The following NOP9 variants were observed in gnomAD, a reference collection of about 807,000 sequenced individuals.
The protein encoded by NOP9 is nucleolar protein 9.
A neutral mutation model predicts 63.0 loss-of-function variants in NOP9; 50 were observed. The observed-to-expected ratio is 0.79, with a 90% CI of 0.63 to 1.00. NOP9 has a LOEUF of 1.00. NOP9 is among the 50% of genes least tolerant of loss of function. NOP9 has a pLI of 0.00. For missense variants in NOP9, 758 were observed against 803.0 expected (o/e 0.94, Z 0.68); for synonymous variants, 343 against 332.8 (o/e 1.03, Z -0.33).
At chr14:24,275,580 CACAT>C in the NOP9 span, among the ~76,000 whole-genome samples, 4 of 152,320 alleles carry the variant, frequency 2.6e-5, no homozygotes, top group African/African-American at 9.6e-5. Flanking sequence ...GAAGCACACA[CACAT>C]AGTCACTTAC....
chr14:24,306,527 C>T lies in NOP9; in HGVS notation c.*1432C>T. 1.2e-6 allele frequency: 2 copies of T among 1,614,244 alleles called. No individual in the cohort carries two copies. Among genetic ancestry groups the T allele is most frequent in the Admixed American group, 3.3e-5 (2 of 60,022 alleles). On this transcript the variant is annotated 3_prime_UTR_variant, in exon 10 of 10. Coordinates refer to ENST00000267425, the MANE Select transcript of NOP9 (RefSeq NM_174913.3). ...TCAGCAGTAGGGTCTCCAATGCCTG[C>T]CCAATGGCAAGAAGCAAGAAGGGCA...
At position 24,306,194 on chromosome 14, in the gene NOP9, C is replaced by A. The variant is rs1240672974; in HGVS notation, c.*1099C>A. On this transcript the variant is annotated 3_prime_UTR_variant, in exon 10 of 10. Coordinates refer to ENST00000267425, the MANE Select transcript of NOP9 (RefSeq NM_174913.3). ...CTCATACCAGACACCCACCACTAAT[C>A]TCCATCAGCACTGGGTCAGACCCTC... 1 of 1,571,408 alleles carries A rather than the reference C, an allele frequency of 6.4e-7. No homozygotes were observed. The highest frequency in any genetic ancestry group is 1.3e-5 in the African/African-American group (1 of 74,202).
At position 24,302,942 on chromosome 14, in the gene NOP9, A is replaced by G. The variant is rs1008517164; in HGVS notation, c.1144-132A>G. ...ATCCTGGGCCTTATCTAGCCAAACA[A>G]AAGTCCTGATACTGGCAATGCTTTT... On this transcript the variant is annotated intron_variant, in intron 5 of 9. Transcript: ENST00000267425. 7 of 1,129,540 alleles carry G rather than the reference A, an allele frequency of 6.2e-6. No individual in the cohort carries two copies. In the African/African-American group the frequency reaches 6.5e-5, roughly 10 times the overall value. The allele number at this position is 1,129,540 out of a possible 1,614,324, so 70.0% of individuals were successfully genotyped here.
At chr14:24,301,874 T>C (rs4374085) in intron 3 of NOP9, 91 bp from the exon 4 acceptor site, 286,589 of 1,464,406 alleles carry the variant, frequency 0.2, 30,922 homozygotes, top group Admixed American at 0.35. Context: ...TTTGTGTCCA[T>C]AGTGCCCTGT....
rs1594618530 is a variant in NOP9 at position 24,301,526 on chromosome 14, G to A, written c.698-86G>A. On this transcript the variant is annotated intron_variant, in intron 2 of 9. Coordinates refer to ENST00000267425, the MANE Select transcript of NOP9 (RefSeq NM_174913.3). The stretch of plus-strand genomic sequence containing the variant: ...CTACATCTGTTCTGCATCTCCAAGC[G>A]GAATCCTTGTTCATCTGTGAAATTT... 1.7e-5 allele frequency: 27 copies of A among 1,558,180 alleles called. No individual in the cohort carries two copies. In the Admixed American group the frequency reaches 2.6e-4, roughly 15 times the overall value.
chr14:24,287,142 TG>T, the NOP9 span, among the ~76,000 whole-genome samples: 1 of 152,036 alleles, frequency 6.6e-6, no homozygotes, highest in Non-Finnish European at 1.5e-5. Flanking sequence ...CACCCGCCTC[TG>T]CCTCCCAAAA....
upstream of NOP9, among the ~76,000 whole-genome samples, chr14:24,298,544 G>C (rs1440933867): frequency 6.6e-6 from 1 of 152,120 alleles, no homozygotes; most frequent in Non-Finnish European, 1.5e-5. Flanking sequence ...CCCTTTAGTT[G>C]CAATTCCAAA....
In NOP9 at chr14:24,306,469, C is replaced by T. The variant is rs2139144324; in HGVS notation, c.*1374C>T. ...AAGTCCTCACTGTCCACTGCAGTTC[C>T]ATCCTCCTCTAGCACCAGGGTTAGC... On this transcript the variant is annotated 3_prime_UTR_variant, in exon 10 of 10. Transcript: ENST00000267425. The T allele has an allele frequency of 3.1e-6, 5 of 1,614,240 alleles. No homozygotes were observed. The highest frequency in any genetic ancestry group is 1.7e-4 in the Middle Eastern group (1 of 6,060).
At chr14:24,287,056 A>ATTTTTTTTTTTTTTTTT in the NOP9 span, among the ~76,000 whole-genome samples, 1 of 151,020 alleles carries the variant, frequency 6.6e-6, no homozygotes, top group African/African-American at 2.4e-5. Flanking sequence ...CACCAGGCTA[A>ATTTTTTTTTTTTTTTTT]TTTTTGTATT....
chr14:24,277,390 C>T, the NOP9 span, among the ~76,000 whole-genome samples: 2 of 151,948 alleles, frequency 1.3e-5, no homozygotes, highest in Non-Finnish European at 2.9e-5. Flanking sequence ...GTCATTACAC[C>T]CAGCAGAGAA....
At chr14:24,286,057 C>T in the NOP9 span, among the ~76,000 whole-genome samples, 6 of 152,144 alleles carry the variant, frequency 3.9e-5, no homozygotes, top group East Asian at 1.9e-4. Context: ...AGGAATTAAG[C>T]GTCTTCAGGG....
rs757417500 is a variant in NOP9, at chr14:24,303,738, C to T, written c.1291C>T (p.His431Tyr). The T allele has an allele frequency of 6.2e-7, 1 of 1,613,968 alleles. No homozygotes were observed. Among genetic ancestry groups the T allele is most frequent in the Admixed American group, 1.7e-5 (1 of 60,022 alleles). Reference sequence around the variant, plus strand: ...ATTCTGTCTTCTCCTTTAGGCATTCCACTGTGCAGAGCCCTCATCCCGGCA... The same window carrying T: ...ATTCTGTCTTCTCCTTTAGGCATTCTACTGTGCAGAGCCCTCATCCCGGCA... ...KVLQLLLEAF[H>Y]CAEPSSRQVA... The change falls in exon 7 of 10, where the codon CAC (histidine) becomes TAC (tyrosine). Residue 431 changes from histidine (H) to tyrosine (Y), a missense_variant. His to Tyr is a moderately conservative substitution (Grantham distance 83, BLOSUM62 2). Transcript: ENST00000267425.
chr14:24,304,640 C>T (rs1264370469), intron 9 of NOP9, 42 bp downstream of exon 9: 1 of 1,421,566 alleles, frequency 7.0e-7, no homozygotes, highest in South Asian at 1.3e-5. Context: ...AGACTCTCCC[C>T]TCTCTTACTC....
upstream of NOP9, chr14:24,299,841 C>T: frequency 7.4e-7 from 1 of 1,342,964 alleles, no homozygotes; most frequent in Middle Eastern, 2.7e-4. Context: ...GTAGCTGCGT[C>T]AGGAGCGCGC....
chr14:24,299,077 A>C, upstream of NOP9: 1 of 1,613,940 alleles, frequency 6.2e-7, no homozygotes, highest in East Asian at 2.2e-5. Context: ...CAGTCACCAC[A>C]CACACTTGGC....
Position 24,307,896 on chromosome 14 carries a change from T to C in NOP9, c.*2801T>C. 6 of 1,556,198 alleles carry C rather than the reference T, an allele frequency of 3.9e-6. No homozygotes were observed. Among genetic ancestry groups the C allele is most frequent in the Admixed American group, 1.9e-5 (1 of 52,494 alleles). On this transcript the variant is annotated 3_prime_UTR_variant, in exon 10 of 10. Transcript: ENST00000267425. ...AGTTCCTTCCCTGGAACTTCTGGGCTGGGTGGTTCTCTCCTGTGCTGGGGC... is the reference window on the plus strand; with the variant it reads ...AGTTCCTTCCCTGGAACTTCTGGGCCGGGTGGTTCTCTCCTGTGCTGGGGC...
chr14:24,306,390 C>CTCTT lies in NOP9; in HGVS notation c.*1298_*1299insTTCT. On this transcript the variant is annotated 3_prime_UTR_variant, in exon 10 of 10. Transcript: ENST00000267425. ...GCCTCTTACCCTTGTAGGGCTCCAGCTCTGACCAGACTGCAACACCATCAG... is the reference window on the plus strand; with the variant it reads ...GCCTCTTACCCTTGTAGGGCTCCAGCTCTTTCTGACCAGACTGCAACACCATCAG... 1 of 1,614,228 alleles carries CTCTT rather than the reference C, an allele frequency of 6.2e-7. No homozygotes were observed. Among genetic ancestry groups the CTCTT allele is most frequent in the Non-Finnish European group, 8.5e-7 (1 of 1,180,036 alleles).
chr14:24,308,791 C>G lies in NOP9; in HGVS notation c.*3696C>G, dbSNP rs2041599060. On this transcript the variant is annotated 3_prime_UTR_variant, in exon 10 of 10. Coordinates refer to ENST00000267425, the MANE Select transcript of NOP9 (RefSeq NM_174913.3). ...AATCCCTGCTTTCCTGCCAAGGATC[C>G]TTGTAGGGTCCCCCAGCTTCCCCAC... is the stretch of plus-strand genomic sequence containing the variant. The G allele has an allele frequency of 6.6e-6, 1 of 152,190 alleles. No individual in the cohort carries two copies. The highest frequency in any genetic ancestry group is 2.1e-4 in the South Asian group (1 of 4,830). The allele number at this position is 152,190 out of a possible 1,614,324, so 9.4% of individuals were successfully genotyped here. A position where few individuals can be genotyped will look rare whatever the true frequency, so the allele number is the denominator to read the frequency against.
Position 24,306,309 on chromosome 14 carries a change from G to C in NOP9, c.*1214G>C. 3 of 1,602,876 alleles carry C rather than the reference G, an allele frequency of 1.9e-6. No homozygotes were observed. The East Asian group carries it at 6.7e-5, about 36-fold the overall frequency. Reference sequence around the variant, plus strand: ...GGTCCCCAGGATCAGGGTTAAGCTAGAGAGGAAGCCCGGGAAAGCTCTAAA... The same window carrying C: ...GGTCCCCAGGATCAGGGTTAAGCTACAGAGGAAGCCCGGGAAAGCTCTAAA... On this transcript the variant is annotated 3_prime_UTR_variant, in exon 10 of 10. Coordinates refer to ENST00000267425, the MANE Select transcript of NOP9 (RefSeq NM_174913.3).
Sources: gnomAD v4.1 joint callset for allele counts (sites outside exome capture counted in the v4.1 genomes callset) on GRCh38, gnomAD v4.1.1 for gene constraint, MANE v1.5 for transcripts, NCBI Gene and HGNC (gene_info 2026-07-23, HGNC 2026-07-21) for gene names.